The following CDK19 variants were observed in gnomAD, a reference collection of about 807,000 sequenced individuals.
The protein encoded by CDK19 is cyclin-dependent kinase 19.
In CDK19, 20 loss-of-function variants were observed where a neutral mutation model predicts 68.3. That is an observed-to-expected ratio of 0.29 (90% CI 0.21 to 0.43). The LOEUF is 0.43. CDK19 is among the 20% of genes least tolerant of loss of function. CDK19 has a pLI of 1.00. For missense variants in CDK19, 339 were observed against 623.5 expected, an observed-to-expected ratio of 0.54 and a Z score of 4.86; for synonymous variants, 221 against 222.8, an observed-to-expected ratio of 0.99 and a Z score of 0.07.
At chr6:110,648,258 TATTATTA>T (rs2114846409) in intron 4 of CDK19, among the ~76,000 whole-genome samples, 1 of 152,326 alleles carries the variant, frequency 6.6e-6, no homozygotes, top group East Asian at 1.9e-4. Flanking sequence ...GAAACAAAAG[TATTATTA>T]TTTGCAGATG....
chr6:110,702,517 C>T (rs1774096423), intron 2 of CDK19, among the ~76,000 whole-genome samples: 1 of 151,988 alleles, frequency 6.6e-6, no homozygotes, highest in Non-Finnish European at 1.5e-5. Context: ...TCCTAGTTAA[C>T]TTGAGAGGCT....
chr6:110,681,838 T>G (rs1772045310), intron 2 of CDK19, among the ~76,000 whole-genome samples: 1 of 152,216 alleles, frequency 6.6e-6, no homozygotes, highest in Non-Finnish European at 1.5e-5. Flanking sequence ...CACTGGAGCC[T>G]AATGAAGAAT....
chr6:110,803,140 T>C (rs802685), intron 1 of CDK19, among the ~76,000 whole-genome samples: 43,648 of 151,762 alleles, frequency 0.29, 6,646 homozygotes, highest in South Asian at 0.4. Context: ...AGGGCAGTGG[T>C]GCCATCTCGG....
At chr6:110,620,271 C>T (rs547900257) in intron 12 of CDK19, among the ~76,000 whole-genome samples, 5 of 152,120 alleles carry the variant, frequency 3.3e-5, no homozygotes, top group African/African-American at 9.6e-5. Flanking sequence ...ATTGCAGTTC[C>T]TTATCAGTGA....
chr6:110,695,641 A>G (rs943598545), intron 2 of CDK19, among the ~76,000 whole-genome samples: 6 of 152,178 alleles, frequency 3.9e-5, no homozygotes, highest in Admixed American at 6.5e-5. Flanking sequence ...AAATAAGCTC[A>G]ATTAGAAATG....
At chr6:110,690,409 C>G (rs1772881841) in intron 2 of CDK19, among the ~76,000 whole-genome samples, 1 of 152,156 alleles carries the variant, frequency 6.6e-6, no homozygotes, top group East Asian at 1.9e-4. Flanking sequence ...TGGCTCCCAC[C>G]TTTCCCCCGT....
rs373468238 is a variant in CDK19, at chr6:110,670,549, C to T, written c.205-8G>A. On this transcript the variant is annotated splice_polypyrimidine_tract_variant and splice_region_variant and intron_variant, in intron 2 of 12. Transcript: ENST00000368911. ...CTTCAATTCTCGCAAAAGCTGAATGCAAAAGAAAGAGAGGGGTCACTGTTG... is the reference window on the plus strand; with the variant it reads ...CTTCAATTCTCGCAAAAGCTGAATGTAAAAGAAAGAGAGGGGTCACTGTTG... The T allele has an allele frequency of 5.8e-6, 9 of 1,540,162 alleles. No individual in the cohort carries two copies. The highest frequency in any genetic ancestry group is 8.1e-6 in the Non-Finnish European group (9 of 1,113,224).
intron 4 of CDK19, among the ~76,000 whole-genome samples, chr6:110,644,004 A>C (rs1032635957): frequency 1.3e-5 from 2 of 152,056 alleles, no homozygotes; most frequent in Admixed American, 6.5e-5. Context: ...TTAAAAATTA[A>C]AACAATTGGC....
In CDK19 at chr6:110,618,184, A is replaced by G. The variant is rs535959734; in HGVS notation, c.1377+2920T>C. ...AGTCTCACTCTGTCACCCAGGCTGGAGTGCAGTGGCGCGATCTCGGCTCAC... is the reference window on the plus strand; with the variant it reads ...AGTCTCACTCTGTCACCCAGGCTGGGGTGCAGTGGCGCGATCTCGGCTCAC... On this transcript the variant is annotated intron_variant, in intron 12 of 12. Transcript: ENST00000368911. Among the ~76,000 whole-genome samples the G allele has an allele frequency of 6.6e-5, 10 of 152,174 alleles. No individual in the cohort carries two copies. In the South Asian group the frequency reaches 2.1e-3, roughly 32 times the overall value.
intron 1 of CDK19, among the ~76,000 whole-genome samples, chr6:110,801,426 A>AC (rs1782337403): frequency 6.6e-6 from 1 of 152,166 alleles, no homozygotes; most frequent in African/African-American, 2.4e-5. Context: ...TTGAGACTGC[A>AC]CTGAGCCATG....
At chr6:110,715,097 T>C (rs1260816897) in intron 2 of CDK19, among the ~76,000 whole-genome samples, 1 of 152,148 alleles carries the variant, frequency 6.6e-6, no homozygotes, top group Non-Finnish European at 1.5e-5. Flanking sequence ...TGAATATTCA[T>C]TTTTAAATCT....
rs1024752388 is a variant in CDK19, at chr6:110,613,628, G to A, written c.*907C>T. 6.6e-6 allele frequency: 1 copy of A among 152,532 alleles called. No homozygotes were observed. Among genetic ancestry groups the A allele is most frequent in the Non-Finnish European group, 1.5e-5 (1 of 68,032 alleles). The allele number at this position is 152,532 out of a possible 1,614,324, so 9.4% of individuals were successfully genotyped here. A position where few individuals can be genotyped will look rare whatever the true frequency, so the allele number is the denominator to read the frequency against. On this transcript the variant is annotated 3_prime_UTR_variant, in exon 13 of 13. Transcript: ENST00000368911. The stretch of plus-strand genomic sequence containing the variant: ...ACACTAAAAACTTTTCCTTCAAAGG[G>A]AAGTAACACGTCTTTTGATCAAAAT...
In CDK19 at chr6:110,614,756, T is replaced by C. The variant is rs963045135; in HGVS notation, c.1378-90A>G. On this transcript the variant is annotated intron_variant, in intron 12 of 12. Coordinates refer to ENST00000368911, the MANE Select transcript of CDK19 (RefSeq NM_015076.5). ...CACAGTAGGATAGAGATATAAGCCG[T>C]TTTCATTAGGTTCCTGGTTCAGACA... 3 of 1,316,114 alleles carry C rather than the reference T, an allele frequency of 2.3e-6. No homozygotes were observed. The African/African-American group carries it at 4.3e-5, about 19-fold the overall frequency. 81.5% of individuals were successfully genotyped at this position (1,316,114 alleles called of 1,614,324 possible).
intron 2 of CDK19, among the ~76,000 whole-genome samples, chr6:110,687,862 C>T (rs1772620789): frequency 6.6e-6 from 1 of 152,110 alleles, no homozygotes; most frequent in African/African-American, 2.4e-5. Context: ...TGCAGTGCAC[C>T]TAAGGACAAC....
intron 2 of CDK19, among the ~76,000 whole-genome samples, chr6:110,731,075 AAGAG>A (rs928274749): frequency 1.3e-5 from 2 of 151,626 alleles, no homozygotes; most frequent in Non-Finnish European, 2.9e-5. Context: ...GAAAGAAAGA[AAGAG>A]AAAGAAAAGG....
At chr6:110,677,286 G>A (rs577737491) in intron 2 of CDK19, among the ~76,000 whole-genome samples, 46 of 152,182 alleles carry the variant, frequency 3.0e-4, no homozygotes, top group African/African-American at 1.1e-3. Context: ...ACCATTGGCA[G>A]GGCGCGGTGG....
chr6:110,732,841 C>T (rs915144279), intron 2 of CDK19, among the ~76,000 whole-genome samples: 1 of 151,922 alleles, frequency 6.6e-6, no homozygotes, highest in African/African-American at 2.4e-5. Context: ...CCGAGGCAGG[C>T]GGATCACTTG....
chr6:110,814,983 C>T (rs377086773), intron 1 of CDK19, 26 bp downstream of exon 1: 11 of 1,599,800 alleles, frequency 6.9e-6, no homozygotes, highest in Non-Finnish European at 9.4e-6. Context: ...CCCGAGCGAG[C>T]CTACTCCTCC....
intron 1 of CDK19, among the ~76,000 whole-genome samples, chr6:110,762,021 G>A (rs1779263460): frequency 1.3e-5 from 2 of 152,034 alleles, no homozygotes; most frequent in African/African-American, 4.8e-5. Context: ...CTAATCCAAT[G>A]GAAAAAGATG....
Sources: allele counts gnomAD v4.1 joint callset (sites outside exome capture counted in the v4.1 genomes callset), GRCh38; gene constraint gnomAD v4.1.1; transcripts MANE v1.5; gene names NCBI Gene and HGNC (gene_info 2026-07-23, HGNC 2026-07-21).